The following FBXO36 variants were observed in gnomAD, a reference collection of about 807,000 sequenced individuals.
FBXO36 encodes the protein F-box only protein 36.
Under a neutral mutation model 17.0 loss-of-function variants are expected in FBXO36, and 18 were observed. That is an observed-to-expected ratio of 1.06 (90% CI 0.73 to 1.57). The LOEUF (loss-of-function observed/expected upper bound fraction) is 1.57. Ranked by LOEUF, FBXO36 falls within the 40% of genes most tolerant of loss-of-function variation. The pLI is 0.00. For missense variants in FBXO36, 229 were observed against 221.9 expected, an observed-to-expected ratio of 1.03 and a Z score of -0.20; for synonymous variants, 83 against 85.3, an observed-to-expected ratio of 0.97 and a Z score of 0.15.
At chr2:230,006,105 G>GTT (rs577192144) in intron 3 of FBXO36, among the ~76,000 whole-genome samples, 50 of 124,648 alleles carry the variant, frequency 4.0e-4, no homozygotes, top group East Asian at 1.1e-3. Context: ...TTTTATTTTA[G>GTT]TTTTTTTTTT....
intron 1 of FBXO36, among the ~76,000 whole-genome samples, chr2:229,963,444 C>CTTTTTT (rs757351541): frequency 1.5e-5 from 2 of 129,246 alleles, no homozygotes; most frequent in African/African-American, 3.0e-5. Flanking sequence ...TTTCTTTTTT[C>CTTTTTT]TTTTTTTTTT....
chr2:229,926,531 G>T (rs912312877), intron 1 of FBXO36, among the ~76,000 whole-genome samples: 1 of 151,498 alleles, frequency 6.6e-6, no homozygotes, highest in Non-Finnish European at 1.5e-5. Context: ...ATCACTTGAG[G>T]TCAGGAATTC....
chr2:229,967,686 A>G (rs949215964), intron 1 of FBXO36, among the ~76,000 whole-genome samples: 1 of 152,026 alleles, frequency 6.6e-6, no homozygotes, highest in African/African-American at 2.4e-5. Flanking sequence ...ATATTTATTG[A>G]TTTGCATGTG....
In FBXO36 at chr2:229,967,066, G is replaced by C. The variant is rs1253285112; in HGVS notation, c.97-9175G>C. ...CTTTTATTTCATTGAGCAGTGGTTT[G>C]TAGTTCTCCTTGAAGAGGTCCTTCA... On this transcript the variant is annotated intron_variant, in intron 1 of 3. Transcript: ENST00000283946. Among the ~76,000 whole-genome samples, 3 of 150,156 alleles carry C rather than the reference G, an allele frequency of 2.0e-5. No homozygotes were observed. The South Asian group carries it at 6.4e-4, about 32-fold the overall frequency.
chr2:229,974,753 G>C (rs765993041), intron 1 of FBXO36, among the ~76,000 whole-genome samples: 2 of 152,166 alleles, frequency 1.3e-5, no homozygotes, highest in Non-Finnish European at 2.9e-5. Context: ...ATTAAATAAT[G>C]TTTAATGGAA....
At chr2:229,958,780 A>C (rs912932492) in intron 1 of FBXO36, among the ~76,000 whole-genome samples, 1 of 152,160 alleles carries the variant, frequency 6.6e-6, no homozygotes, top group Non-Finnish European at 1.5e-5. Context: ...CTATGACTAC[A>C]TTCTCGCCCT....
chr2:230,010,475 C>T (rs1222830621), intron 3 of FBXO36, among the ~76,000 whole-genome samples: 2 of 152,030 alleles, frequency 1.3e-5, no homozygotes, highest in East Asian at 1.9e-4. Context: ...TTTCTACTGC[C>T]GTCACTGGGA....
intron 1 of FBXO36, among the ~76,000 whole-genome samples, chr2:229,936,546 A>G (rs1014079595): frequency 2.0e-5 from 3 of 152,190 alleles, no homozygotes; most frequent in Non-Finnish European, 2.9e-5. Flanking sequence ...TTATGAAGTT[A>G]ATGAGAACAA....
chr2:229,948,506 T>G (rs894664097), intron 1 of FBXO36, among the ~76,000 whole-genome samples: 65 of 123,774 alleles, frequency 5.3e-4, no homozygotes, highest in Non-Finnish European at 9.9e-5. Context: ...AGCCGAACAC[T>G]TGGGCTTTAG....
In FBXO36 at chr2:229,922,678, G is replaced by A. The variant is rs568233783; in HGVS notation, c.96+69G>A. On this transcript the variant is annotated intron_variant, in intron 1 of 3. Transcript: ENST00000283946. ...TGGCCCGGTTGGGGCCCGGGACGCA[G>A]GCTGTGCTAGGCCAAGAGCAACCGT... 1,776 of 1,514,636 alleles carry A rather than the reference G, an allele frequency of 1.2e-3. 20 individuals are homozygous for A. The South Asian group carries it at 0.014, about 12-fold the overall frequency. 93.8% of individuals were successfully genotyped at this position (1,514,636 alleles called of 1,614,324 possible). A position where few individuals can be genotyped will look rare whatever the true frequency, so the allele number is the denominator to read the frequency against.
chr2:229,986,392 G>A (rs1317565747), intron 2 of FBXO36, among the ~76,000 whole-genome samples: 1 of 152,066 alleles, frequency 6.6e-6, no homozygotes, highest in African/African-American at 2.4e-5. Context: ...GGTCCCATCT[G>A]CTGGGGAGGC....
Position 229,996,929 on chromosome 2 carries a change from G to A in FBXO36, c.378+6G>A, listed in dbSNP as rs1368747891. Reference sequence around the variant, plus strand: ...CATCACACAGATTTGCAAAGGTAACGGTCAATTATTTTATGTCTATATAGA... The same window carrying A: ...CATCACACAGATTTGCAAAGGTAACAGTCAATTATTTTATGTCTATATAGA... On this transcript the variant is annotated splice_donor_region_variant and intron_variant, in intron 3 of 3. Transcript: ENST00000283946. The A allele has an allele frequency of 6.5e-5, 104 of 1,602,728 alleles. No homozygotes were observed. The highest frequency in any genetic ancestry group is 8.3e-5 in the Non-Finnish European group (98 of 1,176,830).
chr2:229,937,467 C>T (rs1247313694), intron 1 of FBXO36, among the ~76,000 whole-genome samples: 1 of 152,016 alleles, frequency 6.6e-6, no homozygotes, highest in African/African-American at 2.4e-5. Context: ...TGCACTTCAG[C>T]CTAGGTGACA....
In FBXO36 at chr2:229,976,262, ATCTC is replaced by A; in HGVS notation, c.122_125del (p.Ser41Ter). ...ATAGGTAATCTTTAGATGGTGGAAG[ATCTC>A]TCTAAGGAGTGAGTATCGATCAACA... On this transcript the variant is annotated frameshift_variant, in exon 2 of 4. Transcript: ENST00000283946. LOFTEE classifies it high-confidence loss of function. The A allele has an allele frequency of 6.2e-7, 1 of 1,606,000 alleles. No homozygotes were observed. The highest frequency in any genetic ancestry group is 8.5e-7 in the Non-Finnish European group (1 of 1,177,582).
chr2:229,953,914 T>C (rs1374831728), intron 1 of FBXO36, among the ~76,000 whole-genome samples: 1 of 152,142 alleles, frequency 6.6e-6, no homozygotes, highest in Non-Finnish European at 1.5e-5. Flanking sequence ...TTGCTTAGGT[T>C]GGAGTGCAGT....
At chr2:229,947,913 G>A (rs1051163308) in intron 1 of FBXO36, among the ~76,000 whole-genome samples, 1 of 152,190 alleles carries the variant, frequency 6.6e-6, no homozygotes, top group African/African-American at 2.4e-5. Flanking sequence ...CATCAAGAGT[G>A]AAGATACAGA....
chr2:230,004,541 G>GT (rs1325076758), intron 3 of FBXO36, among the ~76,000 whole-genome samples: 3 of 152,142 alleles, frequency 2.0e-5, no homozygotes, highest in Admixed American at 2.0e-4. Flanking sequence ...TATTAACTGT[G>GT]TTTTGCATGT....
intron 1 of FBXO36, among the ~76,000 whole-genome samples, chr2:229,953,927 C>A (rs556811293): frequency 2.6e-5 from 4 of 151,902 alleles, no homozygotes; most frequent in African/African-American, 9.7e-5. Flanking sequence ...AGTGCAGTGG[C>A]GTGATCACAG....
chr2:230,008,478 G>C (rs2077398768), intron 3 of FBXO36, among the ~76,000 whole-genome samples: 1 of 152,142 alleles, frequency 6.6e-6, no homozygotes. Context: ...GGGAGTCATA[G>C]ATGGGGGTAT....
Sources: gnomAD v4.1 joint callset for allele counts (sites outside exome capture counted in the v4.1 genomes callset) on GRCh38, gnomAD v4.1.1 for gene constraint, MANE v1.5 for transcripts, NCBI Gene and HGNC (gene_info 2026-07-23, HGNC 2026-07-21) for gene names.